The following ADAM9 variants were observed in gnomAD, a reference collection of about 807,000 sequenced individuals.
The protein encoded by ADAM9 is ADAM metallopeptidase domain 9.
A neutral mutation model predicts 108.1 loss-of-function variants in ADAM9; 54 were observed. That is an observed-to-expected ratio of 0.50 (90% CI 0.40 to 0.63). The LOEUF is 0.63. Ranked by LOEUF, ADAM9 falls within the 20% of genes least tolerant of loss-of-function variation. The pLI is 0.00. For synonymous variants in ADAM9, 316 were observed against 336.0 expected, an observed-to-expected ratio of 0.94 and a Z score of 0.65; for missense variants, 830 against 997.7, an observed-to-expected ratio of 0.83 and a Z score of 2.26.
chr8:39,048,595 C>T (rs1262042847), intron 12 of ADAM9, among the ~76,000 whole-genome samples: 2 of 152,216 alleles, frequency 1.3e-5, no homozygotes, highest in East Asian at 3.9e-4. Flanking sequence ...TTGATTTGGT[C>T]TGTAGTGTTG....
chr8:39,045,326 GTGTGTGTACACCTATACA>G (rs1357561035), intron 12 of ADAM9, among the ~76,000 whole-genome samples: 3 of 145,016 alleles, frequency 2.1e-5, no homozygotes, highest in African/African-American at 7.8e-5. Flanking sequence ...ACCTATACAT[GTGTGTGTACACCTATACA>G]TGTGTGTACA....
intron 12 of ADAM9, among the ~76,000 whole-genome samples, chr8:39,051,301 G>A (rs189721971): frequency 7.9e-4 from 121 of 152,308 alleles, no homozygotes; most frequent in Middle Eastern, 3.4e-3. Flanking sequence ...CATGAGTTGG[G>A]ATTGCGGCGA....
intron 16 of ADAM9, among the ~76,000 whole-genome samples, chr8:39,077,981 G>T (rs1838901013): frequency 6.6e-6 from 1 of 152,162 alleles, no homozygotes; most frequent in Non-Finnish European, 1.5e-5. Context: ...TGGGGTAGAA[G>T]GGATGTGGCA....
intron 13 of ADAM9, 70 bp from the exon 14 acceptor site, chr8:39,055,507 G>A: frequency 1.4e-6 from 2 of 1,467,960 alleles, no homozygotes; most frequent in Non-Finnish European, 1.9e-6. Flanking sequence ...TAAATGCTGT[G>A]GTTTCACATT....
intron 16 of ADAM9, among the ~76,000 whole-genome samples, chr8:39,080,992 C>T (rs1839005965): frequency 6.8e-6 from 1 of 146,064 alleles, no homozygotes; most frequent in Non-Finnish European, 1.5e-5. Flanking sequence ...GCTCTTTGAC[C>T]CAGGCTGGAG....
At chr8:39,046,748 G>A (rs997881652) in intron 12 of ADAM9, among the ~76,000 whole-genome samples, 39 of 151,798 alleles carry the variant, frequency 2.6e-4, no homozygotes, top group African/African-American at 8.7e-4. Context: ...TTGTTAATGT[G>A]GTATATCTCA....
intron 12 of ADAM9, among the ~76,000 whole-genome samples, chr8:39,042,869 C>T (rs572615484): frequency 6.6e-6 from 1 of 152,250 alleles, no homozygotes; most frequent in African/African-American, 2.4e-5. Flanking sequence ...AGAACTTTTT[C>T]ACTGTGTGTA....
intron 1 of ADAM9, among the ~76,000 whole-genome samples, chr8:39,000,227 C>T (rs780577526): frequency 6.6e-6 from 1 of 152,030 alleles, no homozygotes; most frequent in Non-Finnish European, 1.5e-5. Context: ...CTCCTGACCT[C>T]GTGATCCGCC....
chr8:39,061,324 G>A (rs1024090546), intron 14 of ADAM9, among the ~76,000 whole-genome samples: 3 of 152,118 alleles, frequency 2.0e-5, no homozygotes, highest in Admixed American at 6.5e-5. Context: ...TATGCATTCT[G>A]GAATTGTGGG....
rs1433960306 is a variant in ADAM9 at position 39,076,334 on chromosome 8, A to T, written c.1698-894A>T. 4.6e-5 allele frequency: 7 copies of T among 152,348 alleles called. No homozygotes were observed. In the East Asian group the frequency reaches 1.3e-3, roughly 29 times the overall value. The allele number at this position is 152,348 out of a possible 1,614,324, so 9.4% of individuals were successfully genotyped here. On this transcript the variant is annotated intron_variant, in intron 15 of 21. Transcript: ENST00000487273. ...AAAATAGCTGCTGTGTGAAAGAAGG[A>T]AAAGATATCTGTGTAGTCTCATGGG...
intron 12 of ADAM9, among the ~76,000 whole-genome samples, chr8:39,050,811 C>T (rs1217711732): frequency 6.8e-6 from 1 of 147,972 alleles, no homozygotes; most frequent in Non-Finnish European, 1.5e-5. Context: ...TTTCTCTTTC[C>T]AGGGAAAAGC....
At chr8:39,000,579 AG>A (rs1835963627) in intron 1 of ADAM9, among the ~76,000 whole-genome samples, 1 of 152,024 alleles carries the variant, frequency 6.6e-6, no homozygotes, top group South Asian at 2.1e-4. Context: ...CTCCTGCCTA[AG>A]CCTCCTGAGT....
chr8:39,055,986 T>G (rs549761045), intron 14 of ADAM9, among the ~76,000 whole-genome samples: 2 of 152,306 alleles, frequency 1.3e-5, no homozygotes, highest in South Asian at 4.1e-4. Flanking sequence ...TCTTTTTATA[T>G]TTTGTGTATC....
rs755646664 is a variant in ADAM9, at chr8:39,055,804, C to T, written c.1591+32C>T. 43 of 1,578,062 alleles carry T rather than the reference C, an allele frequency of 2.7e-5. 1 individual carries two copies. The highest frequency in any genetic ancestry group is 1.7e-4 in the Middle Eastern group (1 of 5,978). On this transcript the variant is annotated intron_variant, in intron 14 of 21. Transcript: ENST00000487273. ...TATCATCATTTATAATTGATTGCTTCGATATTATTTATTTTTGATTTAGAT... is the reference window on the plus strand; with the variant it reads ...TATCATCATTTATAATTGATTGCTTTGATATTATTTATTTTTGATTTAGAT...
chr8:39,009,180 C>CT (rs1213976993), intron 2 of ADAM9, among the ~76,000 whole-genome samples: 7 of 152,202 alleles, frequency 4.6e-5, no homozygotes, highest in South Asian at 2.1e-4. Context: ...GTAAATGACT[C>CT]TAAGATCTCC....
intron 11 of ADAM9, among the ~76,000 whole-genome samples, chr8:39,039,749 C>T (rs1394499994): frequency 6.6e-6 from 1 of 152,178 alleles, no homozygotes; most frequent in African/African-American, 2.4e-5. Flanking sequence ...TGAATAATTA[C>T]CAGTCTTATA....
rs1042256185 is a variant in ADAM9, at chr8:39,104,541, G to A, written c.*841G>A. The A allele has an allele frequency of 7.7e-6, 3 of 389,646 alleles. No homozygotes were observed. Among genetic ancestry groups the A allele is most frequent in the Middle Eastern group, 8.8e-4 (1 of 1,138 alleles). 24.1% of individuals were successfully genotyped at this position (389,646 alleles called of 1,614,324 possible). ...GATTCATGGCTATAATAAAGCAGGA[G>A]CAATTATAAAATCTTCAATCAATTG... On this transcript the variant is annotated 3_prime_UTR_variant, in exon 22 of 22. Transcript: ENST00000487273.
chr8:39,043,456 G>A (rs1432960381), intron 12 of ADAM9, among the ~76,000 whole-genome samples: 3 of 151,848 alleles, frequency 2.0e-5, no homozygotes, highest in Admixed American at 6.6e-5. Context: ...GTTTTTTTCC[G>A]TGATAGCAAT....
rs2129438851 is a variant in ADAM9, at chr8:39,055,924, G to A, written c.1591+152G>A. On this transcript the variant is annotated intron_variant, in intron 14 of 21. Transcript: ENST00000487273. The stretch of plus-strand genomic sequence containing the variant: ...CTTCTTTGGAGGCAGTCATGATCAT[G>A]AATTTAATATGCACAGATTCAGTTG... 5.2e-6 allele frequency: 4 copies of A among 770,462 alleles called. No homozygotes were observed. The South Asian group carries it at 5.7e-5, about 11-fold the overall frequency. 47.7% of individuals were successfully genotyped at this position (770,462 alleles called of 1,614,324 possible).
Sources: allele counts gnomAD v4.1 joint callset (sites outside exome capture counted in the v4.1 genomes callset), GRCh38; gene constraint gnomAD v4.1.1; transcripts MANE v1.5; gene names NCBI Gene and HGNC (gene_info 2026-07-23, HGNC 2026-07-21).